KIRREL3: variants seen among roughly 807,000 people sequenced by gnomAD.
KIRREL3 encodes the protein kirre like nephrin family adhesion molecule 3.
A neutral mutation model predicts 89.7 loss-of-function variants in KIRREL3; 36 were observed. The observed-to-expected ratio is 0.40, with a 90% CI of 0.31 to 0.53. The LOEUF (loss-of-function observed/expected upper bound fraction) is 0.53. Among genes scored for constraint, KIRREL3 ranks in the 20% least tolerant of loss-of-function variants. The probability of loss-of-function intolerance (pLI) is 0.49; values close to 1 mark genes in which losing one functional copy is unlikely to be tolerated. For missense variants in KIRREL3, 864 were observed against 1,056.6 expected, an observed-to-expected ratio of 0.82 and a Z score of 2.53; for synonymous variants, 445 against 441.4, an observed-to-expected ratio of 1.01 and a Z score of -0.10.
At chr11:126,716,165 AAG>A (rs1947953820) in intron 1 of KIRREL3, among the ~76,000 whole-genome samples, 3 of 151,990 alleles carry the variant, frequency 2.0e-5, no homozygotes, top group Admixed American at 2.0e-4. Flanking sequence ...CTATGAAAGA[AAG>A]AGTAAGGTTA....
chr11:126,544,903 A>G lies in KIRREL3; in HGVS notation c.133+17932T>C, dbSNP rs78380779. ...TAAACTCCTCTAACCTATTTAGGCCACAGAGAGGGGAGAAGACACAATAAT... is the reference window on the plus strand; with the variant it reads ...TAAACTCCTCTAACCTATTTAGGCCGCAGAGAGGGGAGAAGACACAATAAT... On this transcript the variant is annotated intron_variant, in intron 2 of 16. Coordinates refer to ENST00000525144, the MANE Select transcript of KIRREL3 (RefSeq NM_032531.4). This position sits in a 1 kb window ranked among gnomAD's most constrained non-coding sequence, Gnocchi z 5.6. Among the ~76,000 whole-genome samples, 4,850 of 152,252 alleles carry G rather than the reference A, an allele frequency of 0.032. 277 individuals are homozygous for G. Among genetic ancestry groups the G allele is most frequent in the African/African-American group, 0.11 (4,464 of 41,512 alleles).
intron 1 of KIRREL3, among the ~76,000 whole-genome samples, chr11:126,663,379 G>C (rs1189112166): frequency 1.3e-5 from 2 of 151,886 alleles, no homozygotes; most frequent in East Asian, 3.9e-4. Context: ...TAGAGACGGG[G>C]TTTCACCATG....
In KIRREL3 at chr11:126,723,948, C is replaced by T. The variant is rs1183994430; in HGVS notation, c.56-161036G>A. Among the ~76,000 whole-genome samples, 2 of 152,172 alleles carry T rather than the reference C, an allele frequency of 1.3e-5. No individual in the cohort carries two copies. Among genetic ancestry groups the T allele is most frequent in the Admixed American group, 1.3e-4 (2 of 15,278 alleles). Reference sequence around the variant, plus strand: ...TATTCAAGATCATAATTGCAGAAAACTAGACCAATGATCTGATTGCTTTCA... The same window carrying T: ...TATTCAAGATCATAATTGCAGAAAATTAGACCAATGATCTGATTGCTTTCA... On this transcript the variant is annotated intron_variant, in intron 1 of 16. Transcript: ENST00000525144. The surrounding 1 kb of genome is among the most constrained non-coding windows in gnomAD (Gnocchi z 4.0).
intron 1 of KIRREL3, among the ~76,000 whole-genome samples, chr11:126,790,029 A>C (rs7114769): frequency 0.012 from 1,833 of 152,232 alleles, 35 homozygotes; most frequent in African/African-American, 0.041. Context: ...TATTCTCCCC[A>C]CACCACATCC....
chr11:126,813,680 G>A (rs1445378963), intron 1 of KIRREL3, among the ~76,000 whole-genome samples: 1 of 151,746 alleles, frequency 6.6e-6, no homozygotes, highest in Non-Finnish European at 1.5e-5. Context: ...CATATGTGGT[G>A]AATTTCAAGC....
chr11:126,658,891 C>T (rs1945272751), intron 1 of KIRREL3, among the ~76,000 whole-genome samples: 1 of 152,192 alleles, frequency 6.6e-6, no homozygotes, highest in Non-Finnish European at 1.5e-5. Flanking sequence ...GTTACTTTGT[C>T]CACCCTGATC....
At chr11:126,941,067 A>G (rs918231122) in intron 1 of KIRREL3, 1 of 152,218 alleles carries the variant, frequency 6.6e-6, no homozygotes, top group African/African-American at 2.4e-5. Context: ...ATTGATCTAG[A>G]TAATTCAGAC....
At chr11:126,923,304 C>CT (rs1211865805) in intron 1 of KIRREL3, among the ~76,000 whole-genome samples, 2,950 of 113,524 alleles carry the variant, frequency 0.026, 391 homozygotes, top group East Asian at 0.15. Context: ...CTTCTTCCTT[C>CT]TCCTTCTCCT....
intron 1 of KIRREL3, among the ~76,000 whole-genome samples, chr11:126,873,888 G>T (rs2134679514): frequency 6.6e-6 from 1 of 152,326 alleles, no homozygotes; most frequent in Middle Eastern, 3.4e-3. Context: ...AATGCAATCA[G>T]CAGGGCCACA....
rs1015106684 is a variant in KIRREL3 at position 126,459,423 on chromosome 11, T to C, written c.743-2969A>G. On this transcript the variant is annotated intron_variant, in intron 6 of 16. Transcript: ENST00000525144. The surrounding 1 kb of genome is among the most constrained non-coding windows in gnomAD (Gnocchi z 4.8). ...TTGGTGATCACCTGCCCCGAAGCGA[T>C]TCACAAGGGTTCCACACTCACTGGC... is the stretch of plus-strand genomic sequence containing the variant. Among the ~76,000 whole-genome samples, 1 of 152,122 alleles carries C rather than the reference T, an allele frequency of 6.6e-6. No homozygotes were observed. The highest frequency in any genetic ancestry group is 2.4e-5 in the African/African-American group (1 of 41,428).
chr11:127,000,362 T>C lies in KIRREL3; in HGVS notation c.55+93A>G, dbSNP rs1950287164. On this transcript the variant is annotated intron_variant, in intron 1 of 16. Transcript: ENST00000525144. This position sits in a 1 kb window ranked among gnomAD's most constrained non-coding sequence, Gnocchi z 7.1. ...CGAGAGACGCATCCATCAGTCCGAG[T>C]TCCCGAAGCCTGCCCACGTTCCTGC... 2 of 1,001,026 alleles carry C rather than the reference T, an allele frequency of 2.0e-6. No individual in the cohort carries two copies. The highest frequency in any genetic ancestry group is 2.9e-5 in the East Asian group (1 of 34,732). 62.0% of individuals were successfully genotyped at this position (1,001,026 alleles called of 1,614,324 possible). A position where few individuals can be genotyped will look rare whatever the true frequency, so the allele number is the denominator to read the frequency against.
Position 126,808,103 on chromosome 11 carries a change from G to A in KIRREL3, c.55+192352C>T, listed in dbSNP as rs1438236447. On this transcript the variant is annotated intron_variant, in intron 1 of 16. Transcript: ENST00000525144. This position sits in a 1 kb window ranked among gnomAD's most constrained non-coding sequence, Gnocchi z 4.1. ...CACTGCAAGTGGTAGATGCTCTCCAGGCCAGCTGCAGGACTGCAGATACTG... is the reference window on the plus strand; with the variant it reads ...CACTGCAAGTGGTAGATGCTCTCCAAGCCAGCTGCAGGACTGCAGATACTG... Among the ~76,000 whole-genome samples the A allele has an allele frequency of 6.6e-6, 1 of 152,220 alleles. No homozygotes were observed. The highest frequency in any genetic ancestry group is 1.9e-4 in the East Asian group (1 of 5,200).
At chr11:126,840,672 G>C (rs11605508) in intron 1 of KIRREL3, among the ~76,000 whole-genome samples, 11,299 of 152,236 alleles carry the variant, frequency 0.074, 544 homozygotes, top group Non-Finnish European at 0.1. Flanking sequence ...ATCTTGTGCA[G>C]AACAGCTCCA....
Position 126,797,951 on chromosome 11 carries a change from C to T in KIRREL3, c.55+202504G>A, listed in dbSNP as rs1950864842. ...TGGACACTGCAAAGTAACACATGGG[C>T]TGTTTGTGCTTTTGCTAACTCCTGT... On this transcript the variant is annotated intron_variant, in intron 1 of 16. Coordinates refer to ENST00000525144, the MANE Select transcript of KIRREL3 (RefSeq NM_032531.4). The surrounding 1 kb of genome is among the most constrained non-coding windows in gnomAD (Gnocchi z 4.9). 6.6e-6 allele frequency among the ~76,000 whole-genome samples: 1 copy of T among 152,154 alleles called. No homozygotes were observed. Among genetic ancestry groups the T allele is most frequent in the Admixed American group, 6.5e-5 (1 of 15,278 alleles).
At chr11:126,726,981 T>G (rs2134183864) in intron 1 of KIRREL3, among the ~76,000 whole-genome samples, 1 of 152,350 alleles carries the variant, frequency 6.6e-6, no homozygotes, top group South Asian at 2.1e-4. Flanking sequence ...CTGAGCCGCC[T>G]TACCCTCTGG....
intron 8 of KIRREL3, among the ~76,000 whole-genome samples, chr11:126,448,279 CAAAAAAAA>C (rs55787866): frequency 2.1e-5 from 2 of 95,384 alleles, no homozygotes; most frequent in Non-Finnish European, 4.2e-5. Context: ...GAGACTGTCT[CAAAAAAAA>C]AAAAAAAAAA....
intron 4 of KIRREL3, among the ~76,000 whole-genome samples, chr11:126,502,133 C>T (rs1957885077): frequency 6.6e-6 from 1 of 152,198 alleles, no homozygotes; most frequent in African/African-American, 2.4e-5. Context: ...CATCCATGTG[C>T]CTGCCCTGGC....
chr11:126,973,689 C>T (rs1359968865), intron 1 of KIRREL3, among the ~76,000 whole-genome samples: 1 of 152,114 alleles, frequency 6.6e-6, no homozygotes, highest in African/African-American at 2.4e-5. Flanking sequence ...ATTTTTATTT[C>T]AGCATCTGTA....
chr11:126,483,804 T>C (rs962904732), intron 4 of KIRREL3, among the ~76,000 whole-genome samples: 5 of 152,206 alleles, frequency 3.3e-5, no homozygotes, highest in African/African-American at 1.2e-4. Context: ...CTTGCCTGAG[T>C]CTTAACTGGC....
Sources: gnomAD v4.1 joint callset for allele counts (sites outside exome capture counted in the v4.1 genomes callset) on GRCh38, gnomAD v4.1.1 for gene constraint, Gnocchi (gnomAD v3.1) non-coding constraint, MANE v1.5 for transcripts, NCBI Gene and HGNC (gene_info 2026-07-23, HGNC 2026-07-21) for gene names.